GNPTG: variants seen among roughly 807,000 people sequenced by gnomAD.
GNPTG encodes the protein N-acetylglucosamine-1-phosphotransferase subunit gamma.
In GNPTG, 46 loss-of-function variants were observed where a neutral mutation model predicts 43.8. The ratio of observed to expected loss-of-function variants is 1.05; its 90% CI spans 0.83 to 1.34. The LOEUF (loss-of-function observed/expected upper bound fraction) is 1.34, where lower values mean the gene tolerates loss of function less well. Ranked by LOEUF, GNPTG falls within the 40% of genes most tolerant of loss-of-function variation. The pLI is 0.00. For synonymous variants in GNPTG, 250 were observed against 172.8 expected, an observed-to-expected ratio of 1.45 and a Z score of -3.50; for missense variants, 549 against 411.3, an observed-to-expected ratio of 1.33 and a Z score of -2.90.
intron 3 of GNPTG, among the ~76,000 whole-genome samples, chr16:1,356,498 GA>G (rs2034778431): frequency 6.6e-6 from 1 of 152,220 alleles, no homozygotes; most frequent in Non-Finnish European, 1.5e-5. Context: ...GGGCCAGGCG[GA>G]GGGGAGGGGC....
chr16:1,359,167 T>G (rs1283644705), intron 3 of GNPTG, among the ~76,000 whole-genome samples: 1 of 152,060 alleles, frequency 6.6e-6, no homozygotes, highest in Non-Finnish European at 1.5e-5. Flanking sequence ...GAGTTTATTG[T>G]TGGGCTGTAG....
intron 3 of GNPTG, among the ~76,000 whole-genome samples, chr16:1,356,571 T>TG (rs1017093499): frequency 6.6e-6 from 1 of 152,090 alleles, no homozygotes; most frequent in Non-Finnish European, 1.5e-5. Context: ...CACTGCCAGT[T>TG]GGGGGCTTGT....
At chr16:1,354,501 G>T (rs953085361) in intron 3 of GNPTG, among the ~76,000 whole-genome samples, 1 of 143,210 alleles carries the variant, frequency 7.0e-6, no homozygotes, top group African/African-American at 2.6e-5. Context: ...CTGGAGAATT[G>T]CTTGAATCCA....
At chr16:1,353,045 C>G (rs939626284) in intron 3 of GNPTG, among the ~76,000 whole-genome samples, 1 of 150,134 alleles carries the variant, frequency 6.7e-6, no homozygotes, top group Non-Finnish European at 1.5e-5. Context: ...TCTCGGCTCA[C>G]TGCAACCTCC....
At chr16:1,356,281 G>A (rs1030938737) in intron 3 of GNPTG, among the ~76,000 whole-genome samples, 15 of 152,186 alleles carry the variant, frequency 9.9e-5, no homozygotes, top group African/African-American at 3.6e-4. Flanking sequence ...CGAGTGTCCT[G>A]GCCATGCAGG....
At chr16:1,359,011 GC>G (rs947893768) in intron 3 of GNPTG, 1 of 151,672 alleles carries the variant, frequency 6.6e-6, no homozygotes, top group Non-Finnish European at 1.5e-5. Context: ...ACAGGCGTGA[GC>G]CACCACACCT....
intron 3 of GNPTG, among the ~76,000 whole-genome samples, chr16:1,359,220 A>G (rs2141858855): frequency 6.6e-6 from 1 of 151,958 alleles, no homozygotes; most frequent in East Asian, 1.9e-4. Flanking sequence ...GTGGTTTGCC[A>G]GTGTTTATTT....
chr16:1,356,898 AGTGTGCGGGCGAGAGTGT>A (rs2034787266), intron 3 of GNPTG, among the ~76,000 whole-genome samples: 1 of 7,126 alleles, frequency 1.4e-4, no homozygotes, highest in Non-Finnish European at 3.7e-4. Context: ...TGCGGGCGGG[AGTGTGCGGGCGAGAGTGT>A]GCGGGCGGGG....
rs200625180 is a variant in GNPTG, at chr16:1,359,274, G to GT, written c.179-2460dup. Among the ~76,000 whole-genome samples, 826 of 150,912 alleles carry GT rather than the reference G, an allele frequency of 5.5e-3. 7 individuals are homozygous for GT. Among genetic ancestry groups the GT allele is most frequent in the Non-Finnish European group, 5.0e-3 (335 of 67,642 alleles). On this transcript the variant is annotated intron_variant, in intron 3 of 10. Transcript: ENST00000204679. Reference sequence around the variant, plus strand: ...GTCTTTTCACTCCCTTGATGGGTTTGTTTTTTTTTCCATATAGAGTCTAAC... The same window carrying GT: ...GTCTTTTCACTCCCTTGATGGGTTTGTTTTTTTTTTCCATATAGAGTCTAAC...
chr16:1,361,373 G>C (rs535969501), intron 3 of GNPTG: 3 of 288,516 alleles, frequency 1.0e-5, no homozygotes, highest in Non-Finnish European at 2.0e-5. Context: ...GGCCGGGCGC[G>C]GTGGCTCAAA....
At position 1,363,037 on chromosome 16, in the gene GNPTG, A is replaced by G. The variant is rs764577534; in HGVS notation, c.864A>G (p.Arg288=). 4 of 1,614,088 alleles carry G rather than the reference A, an allele frequency of 2.5e-6. No individual in the cohort carries two copies. The South Asian group carries it at 3.3e-5, about 13-fold the overall frequency. ...NLEHLGHETP[R]AKSPEQLRGD... is the part of the protein sequence containing the mutation. ...AGCACTTGGGCCACGAGACGCCCAG[A>G]GCCAAGTCTCCAGAGCAGCTGCGGG... is the stretch of plus-strand genomic sequence containing the variant. The change falls in exon 11 of 11, where the codon AGA becomes AGG. Residue 288 remains arginine (R), a synonymous_variant. Transcript: ENST00000204679.
chr16:1,358,715 C>T (rs1322703905), intron 3 of GNPTG, among the ~76,000 whole-genome samples: 1 of 152,092 alleles, frequency 6.6e-6, no homozygotes, highest in Non-Finnish European at 1.5e-5. Flanking sequence ...CAGCATTGCA[C>T]GAGGGGTCCA....
At chr16:1,352,586 A>G (rs1420606585) in intron 3 of GNPTG, 6 of 488,418 alleles carry the variant, frequency 1.2e-5, no homozygotes, top group South Asian at 4.7e-5. Context: ...GTGCGTGTCT[A>G]TGCAACTGGA....
chr16:1,355,686 G>A (rs984846269), intron 3 of GNPTG, among the ~76,000 whole-genome samples: 6 of 152,034 alleles, frequency 3.9e-5, no homozygotes, highest in Non-Finnish European at 7.4e-5. Flanking sequence ...TGTCCAGGAG[G>A]GAGCTCTGCC....
chr16:1,363,757 C>G lies in GNPTG; in HGVS notation c.*666C>G, dbSNP rs955080003. ...GCACACAGCCCCAGGATCTTGCCCC[C>G]ATTTCCAACCCTGGCAGCGCTGCCA... On this transcript the variant is annotated 3_prime_UTR_variant, in exon 11 of 11. Coordinates refer to ENST00000204679, the MANE Select transcript of GNPTG (RefSeq NM_032520.5). 6.3e-6 allele frequency: 1 copy of G among 159,718 alleles called. No individual in the cohort carries two copies. Among genetic ancestry groups the G allele is most frequent in the African/African-American group, 2.4e-5 (1 of 41,488 alleles). 9.9% of individuals were successfully genotyped at this position (159,718 alleles called of 1,614,324 possible).
At chr16:1,352,523 G>C in intron 3 of GNPTG, 1 of 610,992 alleles carries the variant, frequency 1.6e-6, no homozygotes, top group South Asian at 1.9e-5. Flanking sequence ...TTTCCGAGAG[G>C]TAACTGCTGT....
At position 1,362,550 on chromosome 16, in the gene GNPTG, G is replaced by A. The variant is rs746735806; in HGVS notation, c.609+16G>A. The A allele has an allele frequency of 2.5e-6, 4 of 1,614,180 alleles. No homozygotes were observed. Among genetic ancestry groups the A allele is most frequent in the Admixed American group, 3.3e-5 (2 of 60,028 alleles). The stretch of plus-strand genomic sequence containing the variant: ...CACCCCCCAGGTAAGCGTGCGCTCG[G>A]GGTGGCCCCTGGTGGGCCTGGCTGG... On this transcript the variant is annotated intron_variant, in intron 8 of 10. Transcript: ENST00000204679.
intron 3 of GNPTG, among the ~76,000 whole-genome samples, chr16:1,354,877 T>C (rs1475483694): frequency 1.3e-5 from 2 of 150,816 alleles, no homozygotes; most frequent in African/African-American, 4.9e-5. Context: ...TCTGTAGGGC[T>C]GGGCGTGGAT....
At position 1,363,478 on chromosome 16, in the gene GNPTG, T is replaced by G; in HGVS notation, c.*387T>G. The G allele has an allele frequency of 3.1e-6, 1 of 326,236 alleles. No homozygotes were observed. Among genetic ancestry groups the G allele is most frequent in the Non-Finnish European group, 6.0e-6 (1 of 167,460 alleles). 20.2% of individuals were successfully genotyped at this position (326,236 alleles called of 1,614,324 possible). On this transcript the variant is annotated 3_prime_UTR_variant, in exon 11 of 11. Transcript: ENST00000204679. ...CGGAACAAGGTCTGCTGACCACAGT[T>G]ACACACGTCGTGACACCACTGTATC...
Sources: allele counts gnomAD v4.1 joint callset (sites outside exome capture counted in the v4.1 genomes callset), GRCh38; gene constraint gnomAD v4.1.1; transcripts MANE v1.5; gene names NCBI Gene and HGNC (gene_info 2026-07-23, HGNC 2026-07-21).